BCAS3: variants seen among roughly 807,000 people sequenced by gnomAD.
BCAS3 encodes the protein BCAS3 microtubule associated cell migration factor.
In BCAS3, 53 loss-of-function variants were observed where a neutral mutation model predicts 116.1. The ratio of observed to expected loss-of-function variants is 0.46; its 90% confidence interval spans 0.37 to 0.57. The LOEUF (loss-of-function observed/expected upper bound fraction) is 0.57, where lower values mean the gene tolerates loss of function less well. BCAS3 is among the 20% of genes least tolerant of loss of function. The pLI, the probability that BCAS3 is intolerant of heterozygous loss-of-function variation, is 0.00. For synonymous variants in BCAS3, 391 were observed against 408.2 expected (o/e 0.96, Z 0.51); for missense variants, 917 against 1,165.4 (o/e 0.79, Z 3.10).
chr17:61,291,412 G>C (rs986742757), intron 22 of BCAS3, among the ~76,000 whole-genome samples: 11 of 152,202 alleles, frequency 7.2e-5, no homozygotes, highest in Non-Finnish European at 2.9e-5. Flanking sequence ...TTATGACTTA[G>C]AGAAGGATTG....
At chr17:60,981,563 G>A (rs1055599958) in intron 14 of BCAS3, among the ~76,000 whole-genome samples, 6 of 152,144 alleles carry the variant, frequency 3.9e-5, no homozygotes, top group Non-Finnish European at 7.3e-5. Flanking sequence ...GATTACCTAC[G>A]TGAGCCACTG....
chr17:61,206,949 A>G (rs562469539), intron 22 of BCAS3, among the ~76,000 whole-genome samples: 57 of 149,240 alleles, frequency 3.8e-4, no homozygotes, highest in African/African-American at 1.3e-3. Context: ...TTTGATTTCT[A>G]CATGGATTCA....
intron 23 of BCAS3, among the ~76,000 whole-genome samples, chr17:61,372,643 C>T (rs1264846205): frequency 1.3e-5 from 2 of 152,164 alleles, no homozygotes; most frequent in Non-Finnish European, 2.9e-5. Context: ...TGCCCTGGGC[C>T]AGCTCCAGCC....
At chr17:61,290,379 A>G (rs952604213) in intron 22 of BCAS3, among the ~76,000 whole-genome samples, 1 of 152,176 alleles carries the variant, frequency 6.6e-6, no homozygotes, top group Admixed American at 6.5e-5. Flanking sequence ...AGTGGCATGA[A>G]TTGGTTATTT....
intron 4 of BCAS3, among the ~76,000 whole-genome samples, chr17:60,701,817 A>AAAAAAAAGAAAAAAAAG (rs2036442986): frequency 6.7e-6 from 1 of 149,142 alleles, no homozygotes; most frequent in African/African-American, 2.5e-5. Context: ...AAAAAAAAAA[A>AAAAAAAAGAAAAAAAAG]AAAAGAAAAA....
intron 14 of BCAS3, among the ~76,000 whole-genome samples, chr17:60,981,762 G>A (rs188173974): frequency 2.6e-5 from 4 of 152,214 alleles, no homozygotes; most frequent in Non-Finnish European, 4.4e-5. Flanking sequence ...TATGAAATTG[G>A]CATAATTATT....
intron 22 of BCAS3, among the ~76,000 whole-genome samples, chr17:61,293,286 T>C (rs2052607332): frequency 6.6e-6 from 1 of 152,122 alleles, no homozygotes; most frequent in Non-Finnish European, 1.5e-5. Context: ...ATATTAGAAA[T>C]CGTGCAGGTT....
intron 5 of BCAS3, among the ~76,000 whole-genome samples, chr17:60,724,289 G>T (rs1031966176): frequency 6.6e-6 from 1 of 151,612 alleles, no homozygotes; most frequent in Non-Finnish European, 1.5e-5. Context: ...TGGGCATGAT[G>T]GTGTGTGCCT....
chr17:60,848,620 A>G (rs1417953892), intron 7 of BCAS3, among the ~76,000 whole-genome samples: 1 of 152,148 alleles, frequency 6.6e-6, no homozygotes, highest in Non-Finnish European at 1.5e-5. Flanking sequence ...TGTTAGGGGA[A>G]AAACTTTCAG....
At chr17:60,807,863 C>T in intron 6 of BCAS3, 141 bp from the exon 7 acceptor site, 1 of 522,280 alleles carries the variant, frequency 1.9e-6, no homozygotes. Context: ...AGTAGCTTTT[C>T]TTCTTTTTAT....
intron 22 of BCAS3, among the ~76,000 whole-genome samples, chr17:61,120,377 G>A (rs377199581): frequency 2.0e-5 from 3 of 152,030 alleles, no homozygotes; most frequent in African/African-American, 7.2e-5. Flanking sequence ...TTGTAAATGC[G>A]ATATCAGCTA....
At chr17:61,318,866 C>A (rs1456375209) in intron 22 of BCAS3, among the ~76,000 whole-genome samples, 1 of 152,188 alleles carries the variant, frequency 6.6e-6, no homozygotes, top group Non-Finnish European at 1.5e-5. Flanking sequence ...ATAGCCGCAG[C>A]TATATTGGCC....
chr17:60,770,400 C>CTTTTTTTTT lies in BCAS3; in HGVS notation c.403+23150_403+23158dup, dbSNP rs35691381. Among the ~76,000 whole-genome samples the CTTTTTTTTT allele has an allele frequency of 7.8e-5, 6 of 76,876 alleles. 1 individual carries two copies. Among genetic ancestry groups the CTTTTTTTTT allele is most frequent in the African/African-American group, 1.1e-4 (3 of 26,800 alleles). The allele number at this position is 76,876 out of a possible 152,430, so 50.4% of individuals were successfully genotyped here. A position where few individuals can be genotyped will look rare whatever the true frequency, so the allele number is the denominator to read the frequency against. Reference sequence around the variant, plus strand: ...CGCCTCTCTCATCCCAGTGTTCCCTCTTTTTTTTTTTTTTTTTTTTTTTTT... The same window carrying CTTTTTTTTT: ...CGCCTCTCTCATCCCAGTGTTCCCTCTTTTTTTTTTTTTTTTTTTTTTTTTTTTTTTTTT... On this transcript the variant is annotated intron_variant, in intron 6 of 23. Transcript: ENST00000407086.
rs34543920 is a variant in BCAS3 at position 61,287,110 on chromosome 17, T to C, written c.2426-81217T>C. ...AAAAATACAAAAAATTAGCCGGGCG[T>C]GGTGGCGGGCACCTGTAGTCTTAGC... is the stretch of plus-strand genomic sequence containing the variant. On this transcript the variant is annotated intron_variant, in intron 22 of 23. Coordinates refer to ENST00000407086, the MANE Select transcript of BCAS3 (RefSeq NM_017679.5). 9.6e-3 allele frequency among the ~76,000 whole-genome samples: 1,457 copies of C among 151,998 alleles called. 10 individuals are homozygous for C. The highest frequency in any genetic ancestry group is 0.017 in the Middle Eastern group (5 of 294).
chr17:61,178,549 G>A (rs928140652), intron 22 of BCAS3, among the ~76,000 whole-genome samples: 2 of 152,144 alleles, frequency 1.3e-5, no homozygotes, highest in Non-Finnish European at 1.5e-5. Flanking sequence ...AGGGCTATCT[G>A]CTTCTGCTAT....
In BCAS3 at chr17:61,025,089, G is replaced by C. The variant is rs548761772; in HGVS notation, c.1637+9188G>C. 2.0e-5 allele frequency among the ~76,000 whole-genome samples: 3 copies of C among 152,150 alleles called. No individual in the cohort carries two copies. In the East Asian group the frequency reaches 5.8e-4, roughly 29 times the overall value. On this transcript the variant is annotated intron_variant, in intron 16 of 23. Transcript: ENST00000407086. ...CTCTTCATTTTAGAGGTATTTGTAG[G>C]CATATAGAAATGGCGTGAACCATTC...
chr17:60,807,960 T>C (rs1283279314), intron 6 of BCAS3, 44 bp from the exon 7 acceptor site: 7 of 1,350,412 alleles, frequency 5.2e-6, no homozygotes, highest in African/African-American at 2.9e-5. Context: ...AATTATACAA[T>C]AATATTCCTC....
chr17:61,274,378 T>C (rs1365090329), intron 22 of BCAS3, among the ~76,000 whole-genome samples: 1 of 145,190 alleles, frequency 6.9e-6, no homozygotes, highest in African/African-American at 2.6e-5. Flanking sequence ...AACCTCTGCC[T>C]CCTGGGTTCA....
In BCAS3 at chr17:61,038,116, G is replaced by A. The variant is rs73324823; in HGVS notation, c.1928+62G>A. On this transcript the variant is annotated intron_variant, in intron 18 of 23. Coordinates refer to ENST00000407086, the MANE Select transcript of BCAS3 (RefSeq NM_017679.5). Reference sequence around the variant, plus strand: ...CATTAAGGTATAGAAGATTAAAAGCGTATAATTTGATAAGTTTTGACATGC... The same window carrying A: ...CATTAAGGTATAGAAGATTAAAAGCATATAATTTGATAAGTTTTGACATGC... 0.015 allele frequency: 21,881 copies of A among 1,464,548 alleles called. 2,490 individuals carry two copies. In the African/African-American group the frequency reaches 0.26, roughly 18 times the overall value. 90.7% of individuals were successfully genotyped at this position (1,464,548 alleles called of 1,614,324 possible). A position where few individuals can be genotyped will look rare whatever the true frequency, so the allele number is the denominator to read the frequency against.
Sources: allele counts gnomAD v4.1 joint callset (sites outside exome capture counted in the v4.1 genomes callset), GRCh38; gene constraint gnomAD v4.1.1; transcripts MANE v1.5; gene names NCBI Gene and HGNC (gene_info 2026-07-23, HGNC 2026-07-21).